CADM2: variants seen among roughly 807,000 people sequenced by gnomAD.
CADM2 encodes immunoglobulin superfamily member 4D.
A neutral mutation model predicts 49.8 loss-of-function variants in CADM2; 12 were observed. The observed-to-expected ratio is 0.24, with a 90% CI of 0.15 to 0.39. CADM2 has a LOEUF of 0.39. Ranked by LOEUF, CADM2 falls within the 10% of genes least tolerant of loss-of-function variation. The pLI, the probability that CADM2 is intolerant of heterozygous loss-of-function variation, is 1.00. For synonymous variants in CADM2, 214 were observed against 175.4 expected (o/e 1.22, Z -1.74); for missense variants, 378 against 492.3 (o/e 0.77, Z 2.20).
intron 7 of CADM2, among the ~76,000 whole-genome samples, chr3:85,957,205 A>T (rs1724172879): frequency 6.6e-6 from 1 of 151,778 alleles, no homozygotes; most frequent in Non-Finnish European, 1.5e-5. Flanking sequence ...ATAGCAGTTA[A>T]AAGATTTAGG....
intron 3 of CADM2, among the ~76,000 whole-genome samples, chr3:85,844,271 G>T (rs776907663): frequency 7.2e-5 from 11 of 151,976 alleles, no homozygotes; most frequent in Non-Finnish European, 1.3e-4. Context: ...GGTTGGGCTC[G>T]ATGGACTAAG....
intron 1 of CADM2, among the ~76,000 whole-genome samples, chr3:85,164,953 T>C (rs1041095758): frequency 8.6e-5 from 13 of 151,946 alleles, no homozygotes; most frequent in South Asian, 2.1e-4. Flanking sequence ...ATAGAAAGTG[T>C]ATGTGTGTAC....
intron 8 of CADM2, among the ~76,000 whole-genome samples, chr3:86,045,342 T>C (rs1736529635): frequency 6.6e-6 from 1 of 152,198 alleles, no homozygotes. Flanking sequence ...TCAGTCTTCC[T>C]GGAACTTGAA....
chr3:85,323,394 A>C (rs1242706974), intron 1 of CADM2, among the ~76,000 whole-genome samples: 1 of 152,094 alleles, frequency 6.6e-6, no homozygotes, highest in African/African-American at 2.4e-5. Flanking sequence ...TAACCCTGCA[A>C]CCTGTCTGAA....
intron 1 of CADM2, among the ~76,000 whole-genome samples, chr3:85,408,639 T>C (rs1242160797): frequency 6.6e-6 from 1 of 152,190 alleles, no homozygotes; most frequent in Non-Finnish European, 1.5e-5. Flanking sequence ...GAGATATCCC[T>C]CTTATTCTGA....
intron 1 of CADM2, among the ~76,000 whole-genome samples, chr3:85,707,393 C>CTTTTTTTTTTTTTTTTTT (rs34006416): frequency 2.3e-5 from 3 of 128,664 alleles, no homozygotes; most frequent in Non-Finnish European, 4.8e-5. Context: ...ATCATTGTAT[C>CTTTTTTTTTTTTTTTTTT]TTTTTTTTTT....
intron 1 of CADM2, among the ~76,000 whole-genome samples, chr3:85,278,819 T>C (rs1211080068): frequency 6.6e-6 from 1 of 151,190 alleles, no homozygotes; most frequent in East Asian, 2.0e-4. Context: ...GCTCTATAGA[T>C]AAATATAAAA....
At chr3:85,513,522 C>T (rs983698413) in intron 1 of CADM2, among the ~76,000 whole-genome samples, 6 of 151,564 alleles carry the variant, frequency 4.0e-5, no homozygotes, top group South Asian at 2.1e-4. Context: ...TATATGAATA[C>T]GTGCTTTTAC....
At chr3:85,125,948 A>G (rs113952121) in intron 1 of CADM2, among the ~76,000 whole-genome samples, 5 of 152,200 alleles carry the variant, frequency 3.3e-5, no homozygotes, top group South Asian at 2.1e-4. Context: ...AGATAATTAT[A>G]TAATGTTCAT....
At chr3:85,146,890 A>C (rs2039760083) in intron 1 of CADM2, among the ~76,000 whole-genome samples, 1 of 152,184 alleles carries the variant, frequency 6.6e-6, no homozygotes, top group African/African-American at 2.4e-5. Flanking sequence ...AGTATGGGAC[A>C]TATGAAGACA....
chr3:86,023,088 A>C (rs1384199737), intron 8 of CADM2, among the ~76,000 whole-genome samples: 1 of 152,130 alleles, frequency 6.6e-6, no homozygotes, highest in African/African-American at 2.4e-5. Flanking sequence ...CCCTTTTCCC[A>C]GTTTGTGTGG....
In CADM2 at chr3:85,726,675, T is replaced by C. The variant is rs528860439; in HGVS notation, c.88+127T>C. 5 of 584,508 alleles carry C rather than the reference T, an allele frequency of 8.6e-6. No homozygotes were observed. In the South Asian group the frequency reaches 1.4e-4, roughly 17 times the overall value. 36.2% of individuals were successfully genotyped at this position (584,508 alleles called of 1,614,324 possible). A position where few individuals can be genotyped will look rare whatever the true frequency, so the allele number is the denominator to read the frequency against. The stretch of plus-strand genomic sequence containing the variant: ...TATTTCAGTGTATAGATATTGTTCA[T>C]AAATTCCTACAAATACAAATATCAA... On this transcript the variant is annotated intron_variant, in intron 2 of 9. Transcript: ENST00000383699.
chr3:85,982,126 TA>T (rs1031406981), intron 8 of CADM2, among the ~76,000 whole-genome samples: 1 of 151,756 alleles, frequency 6.6e-6, no homozygotes, highest in Non-Finnish European at 1.5e-5. Flanking sequence ...CATTTTTTCA[TA>T]TGCTTGTTAG....
intron 3 of CADM2, among the ~76,000 whole-genome samples, chr3:85,844,200 T>A (rs1364777373): frequency 3.9e-5 from 6 of 152,112 alleles, no homozygotes; most frequent in Non-Finnish European, 2.9e-5. Context: ...GAACCTTTTT[T>A]CAATATTATA....
intron 1 of CADM2, among the ~76,000 whole-genome samples, chr3:85,087,206 G>GTAGT (rs1559653294): frequency 6.6e-6 from 1 of 152,132 alleles, no homozygotes; most frequent in East Asian, 1.9e-4. Context: ...AGGTCAGTGA[G>GTAGT]TAGTTTACTG....
At chr3:84,985,935 T>G (rs1258527993) in intron 1 of CADM2, among the ~76,000 whole-genome samples, 3 of 152,228 alleles carry the variant, frequency 2.0e-5, no homozygotes, top group Admixed American at 2.0e-4. Context: ...GGCCCATGGC[T>G]TAGCTGACCC....
chr3:85,897,863 C>T (rs1375312379), intron 5 of CADM2, among the ~76,000 whole-genome samples: 1 of 151,792 alleles, frequency 6.6e-6, no homozygotes, highest in East Asian at 1.9e-4. Flanking sequence ...GATTTGTGTC[C>T]CCTGAGTTTA....
At chr3:85,909,838 A>G (rs562390689) in intron 5 of CADM2, among the ~76,000 whole-genome samples, 2 of 152,326 alleles carry the variant, frequency 1.3e-5, no homozygotes, top group East Asian at 1.9e-4. Flanking sequence ...TTTTAAAAAT[A>G]CAGAAAGGGA....
intron 1 of CADM2, among the ~76,000 whole-genome samples, chr3:85,288,376 C>G (rs907004879): frequency 1.3e-5 from 2 of 151,870 alleles, no homozygotes; most frequent in Non-Finnish European, 2.9e-5. Context: ...TGTATTATTT[C>G]CATGGATGAT....
Sources: gnomAD v4.1 joint callset for allele counts (sites outside exome capture counted in the v4.1 genomes callset) on GRCh38, gnomAD v4.1.1 for gene constraint, MANE v1.5 for transcripts, NCBI Gene and HGNC (gene_info 2026-07-23, HGNC 2026-07-21) for gene names.